Variants in SGCD observed in about 807,000 individuals in gnomAD.
SGCD encodes sarcoglycan delta.
A neutral mutation model predicts 36.6 loss-of-function variants in SGCD; 18 were observed. That is an observed-to-expected ratio of 0.49 (90% CI 0.34 to 0.73). The LOEUF (loss-of-function observed/expected upper bound fraction) is 0.73. Among genes scored for constraint, SGCD ranks in the 30% least tolerant of loss-of-function variants. SGCD has a pLI of 0.01. For missense variants in SGCD, 387 were observed against 346.7 expected, an observed-to-expected ratio of 1.12 and a Z score of -0.92; for synonymous variants, 133 against 130.6, an observed-to-expected ratio of 1.02 and a Z score of -0.12.
chr5:156,631,550 A>G (rs1762634547), intron 6 of SGCD, among the ~76,000 whole-genome samples: 1 of 145,716 alleles, frequency 6.9e-6, no homozygotes, highest in Non-Finnish European at 1.5e-5. Context: ...CATAGACGCT[A>G]TTTTTTTTTC....
At chr5:156,000,814 A>ATATT (rs942775546) in intron 1 of SGCD, among the ~76,000 whole-genome samples, 1 of 151,502 alleles carries the variant, frequency 6.6e-6, no homozygotes, top group Admixed American at 6.6e-5. Flanking sequence ...ATATATATAT[A>ATATT]TTTTTGCCCT....
chr5:156,249,800 A>G (rs1373033181), intron 3 of SGCD, among the ~76,000 whole-genome samples: 2 of 152,224 alleles, frequency 1.3e-5, no homozygotes, highest in Non-Finnish European at 2.9e-5. Context: ...ATGTATATAC[A>G]ATTTTATCTG....
chr5:156,684,976 A>G (rs56241026), intron 7 of SGCD, among the ~76,000 whole-genome samples: 3 of 152,192 alleles, frequency 2.0e-5, no homozygotes, highest in African/African-American at 7.2e-5. Flanking sequence ...CAGAAGAGAA[A>G]GAAAAACAAA....
intron 3 of SGCD, among the ~76,000 whole-genome samples, chr5:156,351,684 C>T (rs760319442): frequency 6.6e-5 from 10 of 151,966 alleles, no homozygotes; most frequent in Admixed American, 2.0e-4. Flanking sequence ...ACTACACTGT[C>T]GCAGTTACAG....
intron 4 of SGCD, among the ~76,000 whole-genome samples, chr5:156,567,804 A>T (rs1759559078): frequency 1.3e-5 from 2 of 152,222 alleles, no homozygotes; most frequent in South Asian, 4.1e-4. Context: ...TCTCCAAAAA[A>T]GTTGAACAAA....
chr5:156,025,708 AC>A (rs1448527176), intron 1 of SGCD, among the ~76,000 whole-genome samples: 1 of 152,066 alleles, frequency 6.6e-6, no homozygotes. Context: ...TATTTTGTTA[AC>A]CTTTATTATA....
intron 3 of SGCD, among the ~76,000 whole-genome samples, chr5:156,472,420 AT>A (rs71577197): frequency 3.3e-5 from 5 of 151,564 alleles, no homozygotes; most frequent in African/African-American, 9.7e-5. Context: ...GACACAGATA[AT>A]TTTTTTTTCT....
At chr5:156,158,584 G>A (rs1167925459) in intron 3 of SGCD, among the ~76,000 whole-genome samples, 2 of 151,356 alleles carry the variant, frequency 1.3e-5, no homozygotes, top group Non-Finnish European at 2.9e-5. Context: ...TTCCACATTG[G>A]CCACACCCAA....
intron 1 of SGCD, among the ~76,000 whole-genome samples, chr5:156,000,710 C>T (rs1758645833): frequency 6.6e-6 from 1 of 152,062 alleles, no homozygotes; most frequent in African/African-American, 2.4e-5. Context: ...AGGGTTCTGC[C>T]TTTAGACCAG....
intron 1 of SGCD, among the ~76,000 whole-genome samples, chr5:155,904,714 T>C (rs1392976939): frequency 6.6e-6 from 1 of 152,182 alleles, no homozygotes; most frequent in African/African-American, 2.4e-5. Flanking sequence ...GTGTGACTTG[T>C]AACTATAGGT....
At chr5:156,087,658 A>G (rs1013004549) in intron 1 of SGCD, among the ~76,000 whole-genome samples, 1 of 151,908 alleles carries the variant, frequency 6.6e-6, no homozygotes, top group Admixed American at 6.6e-5. Flanking sequence ...AAAAAAAAAA[A>G]AAACTAGTTC....
intron 1 of SGCD, among the ~76,000 whole-genome samples, chr5:156,019,619 AAGC>A (rs1195051597): frequency 6.6e-6 from 1 of 152,202 alleles, no homozygotes; most frequent in Non-Finnish European, 1.5e-5. Flanking sequence ...TTTCATATGA[AAGC>A]AGCATACACA....
chr5:155,874,573 G>A (rs377295365), intron 1 of SGCD, among the ~76,000 whole-genome samples: 3 of 152,088 alleles, frequency 2.0e-5, no homozygotes, highest in African/African-American at 7.2e-5. Flanking sequence ...AACTCAAAAA[G>A]AGAAGCAACC....
At chr5:155,773,048 T>A in the SGCD span, among the ~76,000 whole-genome samples, 2 of 152,094 alleles carry the variant, frequency 1.3e-5, no homozygotes, top group African/African-American at 4.8e-5. Context: ...TGTCTCCCAT[T>A]TGGGGAGTTT....
At chr5:156,661,670 C>T (rs1763931610) in intron 7 of SGCD, among the ~76,000 whole-genome samples, 1 of 147,884 alleles carries the variant, frequency 6.8e-6, no homozygotes, top group African/African-American at 2.6e-5. Context: ...TCCAAGTAGT[C>T]AATTTTAAGA....
chr5:156,684,346 G>A (rs2113690591), intron 7 of SGCD, among the ~76,000 whole-genome samples: 1 of 152,250 alleles, frequency 6.6e-6, no homozygotes, highest in East Asian at 1.9e-4. Context: ...CCTCCCAGGA[G>A]GTCATGGTCA....
chr5:156,405,960 A>AT (rs1772377304), intron 3 of SGCD, among the ~76,000 whole-genome samples: 1 of 137,500 alleles, frequency 7.3e-6, no homozygotes, highest in Non-Finnish European at 1.5e-5. Context: ...CGCCTCTTGG[A>AT]TTTTGTATCC....
intron 4 of SGCD, among the ~76,000 whole-genome samples, chr5:156,521,866 G>T (rs965683430): frequency 7.9e-5 from 12 of 152,122 alleles, no homozygotes; most frequent in Non-Finnish European, 1.5e-4. Flanking sequence ...AAGGAATATA[G>T]ATCATTCCAT....
chr5:156,694,444 A>G (rs183519618), intron 7 of SGCD, among the ~76,000 whole-genome samples: 13 of 152,340 alleles, frequency 8.5e-5, no homozygotes, highest in Middle Eastern at 6.8e-3. Flanking sequence ...CTGTCTGTAT[A>G]GTGCTTTACA....
Sources: allele counts gnomAD v4.1 joint callset (sites outside exome capture counted in the v4.1 genomes callset), GRCh38; gene constraint gnomAD v4.1.1; transcripts MANE v1.5; gene names NCBI Gene and HGNC (gene_info 2026-07-23, HGNC 2026-07-21).